Variants in CFAP46 observed in about 807,000 individuals in gnomAD.
CFAP46 encodes the protein cilia- and flagella-associated protein 46.
Under a neutral mutation model 325.7 loss-of-function variants are expected in CFAP46, and 245 were observed. The ratio of observed to expected loss-of-function variants is 0.75; its 90% CI spans 0.68 to 0.84. The LOEUF (loss-of-function observed/expected upper bound fraction) is 0.84. CFAP46 is among the 40% of genes least tolerant of loss of function. The pLI, the probability that CFAP46 is intolerant of heterozygous loss-of-function variation, is 0.00. For missense variants in CFAP46, 3,346 were observed against 3,543.0 expected (o/e 0.94, Z 1.41); for synonymous variants, 1,523 against 1,495.9 (o/e 1.02, Z -0.42).
At position 132,817,302 on chromosome 10, in the gene CFAP46, T is replaced by G. The variant is rs997903520; in HGVS notation, c.7118-2388A>C. Among the ~76,000 whole-genome samples the G allele has an allele frequency of 6.6e-6, 1 of 152,226 alleles. No homozygotes were observed. Among genetic ancestry groups the G allele is most frequent in the Non-Finnish European group, 1.5e-5 (1 of 68,044 alleles). Reference sequence around the variant, plus strand: ...GGCCCTCCGGGTTACTCTTAAATATTTACTCATTTTCCCTTCTCTTGGTTT... The same window carrying G: ...GGCCCTCCGGGTTACTCTTAAATATGTACTCATTTTCCCTTCTCTTGGTTT... On this transcript the variant is annotated intron_variant, in intron 50 of 57. Transcript: ENST00000368586. This position sits in a 1 kb window ranked among gnomAD's most constrained non-coding sequence, Gnocchi z 4.4.
chr10:132,931,063 C>T (rs1345915479), intron 8 of CFAP46, among the ~76,000 whole-genome samples: 9 of 108,894 alleles, frequency 8.3e-5, no homozygotes, highest in Middle Eastern at 8.3e-3. Context: ...GAGCCTGGGC[C>T]TCCCTCCTCT....
chr10:132,880,110 G>T (rs1026876229), intron 28 of CFAP46, among the ~76,000 whole-genome samples: 1 of 146,066 alleles, frequency 6.8e-6, no homozygotes, highest in African/African-American at 2.8e-5. Flanking sequence ...GTGTGTGTGT[G>T]TGCATGTATG....
chr10:132,835,451 A>G lies in CFAP46; in HGVS notation c.6614-17T>C. Reference sequence around the variant, plus strand: ...TGCAGGAGCCTGTGGGGACATGGACACACCCTCTGTCGCTGCCCAGGGCTG... The same window carrying G: ...TGCAGGAGCCTGTGGGGACATGGACGCACCCTCTGTCGCTGCCCAGGGCTG... On this transcript the variant is annotated splice_polypyrimidine_tract_variant and intron_variant, in intron 46 of 57. Coordinates refer to ENST00000368586, the MANE Select transcript of CFAP46 (RefSeq NM_001200049.3). The G allele has an allele frequency of 6.2e-7, 1 of 1,613,252 alleles. No individual in the cohort carries two copies.
Position 132,938,695 on chromosome 10 carries a change from G to A in CFAP46, c.430C>T (p.Leu144Phe). ...AGATGGTGACGATATCCAGGCTTGA[G>A]GAACGGCCTCACCATCTGCCAGTAG... ...VLYWQMVRPF[L>F]KPGYRHHLIP... Residue 144 changes from leucine to phenylalanine, a missense_variant, in exon 5 of 58, where the codon CTC (leucine) becomes TTC (phenylalanine). By Grantham distance (22) the Leu-to-Phe change is conservative. Transcript: ENST00000368586. The A allele has an allele frequency of 1.2e-6, 2 of 1,613,656 alleles. No individual in the cohort carries two copies. Among genetic ancestry groups the A allele is most frequent in the East Asian group, 2.2e-5 (1 of 44,886 alleles).
chr10:132,879,664 G>A (rs1379822454), intron 28 of CFAP46, 33 bp from the exon 29 acceptor site: 22 of 1,470,976 alleles, frequency 1.5e-5, no homozygotes, highest in Non-Finnish European at 2.0e-5. Flanking sequence ...CTGAGAGCAG[G>A]CCCGGCTACG....
chr10:132,853,848 C>T (rs1355276195), intron 39 of CFAP46, among the ~76,000 whole-genome samples: 1 of 152,112 alleles, frequency 6.6e-6, no homozygotes, highest in Non-Finnish European at 1.5e-5. Context: ...CTGTAGAATC[C>T]ATGGAGAAAT....
In CFAP46 at chr10:132,884,113, GC is replaced by G. The variant is rs1426395919; in HGVS notation, c.3627+989del. Among the ~76,000 whole-genome samples, 1 of 152,190 alleles carries G rather than the reference GC, an allele frequency of 6.6e-6. No homozygotes were observed. The highest frequency in any genetic ancestry group is 1.5e-5 in the Non-Finnish European group (1 of 68,016). On this transcript the variant is annotated intron_variant, in intron 27 of 57. Transcript: ENST00000368586. The surrounding 1 kb of genome is among the most constrained non-coding windows in gnomAD (Gnocchi z 5.4). ...CAGCTGGGTCCTGCCTTCCCCAGCC[GC>G]CCGCAGCCTCCCCTCCTCAGGCCCT...
intron 16 of CFAP46, among the ~76,000 whole-genome samples, chr10:132,917,470 C>G (rs969357062): frequency 1.3e-4 from 20 of 152,250 alleles, no homozygotes; most frequent in Admixed American, 9.8e-4. Flanking sequence ...AGTCTCTGAG[C>G]CTGCGTGGGA....
intron 50 of CFAP46, among the ~76,000 whole-genome samples, chr10:132,829,177 T>C (rs1474911984): frequency 1.3e-5 from 2 of 152,100 alleles, no homozygotes; most frequent in Non-Finnish European, 1.5e-5. Context: ...TTGGCAATAT[T>C]GGGCCTTCTC....
intron 33 of CFAP46, among the ~76,000 whole-genome samples, chr10:132,868,777 A>G (rs1848854097): frequency 6.6e-6 from 1 of 152,274 alleles, no homozygotes; most frequent in African/African-American, 2.4e-5. Context: ...TAATAAAAAC[A>G]GAACCGTATA....
rs553344365 is a variant in CFAP46 at position 132,914,891 on chromosome 10, G to A, written c.2121-1633C>T. Among the ~76,000 whole-genome samples, 28 of 152,290 alleles carry A rather than the reference G, an allele frequency of 1.8e-4. No individual in the cohort carries two copies. In the East Asian group the frequency reaches 2.9e-3, roughly 16 times the overall value. On this transcript the variant is annotated intron_variant, in intron 17 of 57. Coordinates refer to ENST00000368586, the MANE Select transcript of CFAP46 (RefSeq NM_001200049.3). ...GCTTCGCTCCACACTGTGAAGCGCCGCCCTCCCTTCTGCCCAAGTGAGCGT... is the reference window on the plus strand; with the variant it reads ...GCTTCGCTCCACACTGTGAAGCGCCACCCTCCCTTCTGCCCAAGTGAGCGT...
chr10:132,903,245 T>A (rs1849413981), intron 22 of CFAP46, among the ~76,000 whole-genome samples: 1 of 150,816 alleles, frequency 6.6e-6, no homozygotes, highest in South Asian at 2.1e-4. Context: ...TGGCATCTTG[T>A]CAGCGTACAG....
intron 6 of CFAP46, 184 bp from the exon 7 acceptor site, chr10:132,937,239 A>G (rs1850022613): frequency 3.8e-6 from 2 of 529,642 alleles, no homozygotes; most frequent in African/African-American, 3.9e-5. Flanking sequence ...ATATTCTTGT[A>G]GTAATTACTT....
At position 132,910,039 on chromosome 10, in the gene CFAP46, A is replaced by G. The variant is rs1311269370; in HGVS notation, c.2529T>C (p.Asn843=). 1 of 1,526,544 alleles carries G rather than the reference A, an allele frequency of 6.6e-7. No homozygotes were observed. The highest frequency in any genetic ancestry group is 2.2e-5 in the Admixed American group (1 of 46,338). 94.6% of individuals were successfully genotyped at this position (1,526,544 alleles called of 1,614,324 possible). A position where few individuals can be genotyped will look rare whatever the true frequency, so the allele number is the denominator to read the frequency against. The change falls in exon 20 of 58, where the codon AAT becomes AAC. Residue 843 remains asparagine (N), a synonymous_variant. Coordinates refer to ENST00000368586, the MANE Select transcript of CFAP46 (RefSeq NM_001200049.3). ...GCACCGTCTCCTCGGGCGCACTCCC[A>G]TTGGTCAGGTTCAGGGCAAACTCGC... is the stretch of plus-strand genomic sequence containing the variant. ...EVCEFALNLT[N]GSAPEETVPT... is the part of the protein sequence containing the mutation.
intron 50 of CFAP46, among the ~76,000 whole-genome samples, chr10:132,830,138 T>C (rs1848125990): frequency 1.3e-5 from 2 of 149,860 alleles, no homozygotes; most frequent in African/African-American, 5.1e-5. Flanking sequence ...TCTTTTCTTT[T>C]TCTTTTCTTT....
At chr10:132,903,943 T>C (rs1303005617) in intron 22 of CFAP46, among the ~76,000 whole-genome samples, 1 of 152,212 alleles carries the variant, frequency 6.6e-6, no homozygotes, top group Non-Finnish European at 1.5e-5. Flanking sequence ...ACTAATAGCA[T>C]AAATGCGAAA....
intron 35 of CFAP46, among the ~76,000 whole-genome samples, chr10:132,864,194 CAT>C (rs770338371): frequency 3.5e-5 from 5 of 141,094 alleles, no homozygotes; most frequent in African/African-American, 1.1e-4. Flanking sequence ...CCTGCACACA[CAT>C]GTCCCCCGCC....
At position 132,938,483 on chromosome 10, in the gene CFAP46, C is replaced by T. The variant is rs1381447007; in HGVS notation, c.536+106G>A. On this transcript the variant is annotated intron_variant, in intron 5 of 57. Transcript: ENST00000368586. The stretch of plus-strand genomic sequence containing the variant: ...GGAGAGAACGCACATGGAGTGTGCC[C>T]CAGTGATGTGGAACTCCCGTCCCCC... 3 of 1,092,852 alleles carry T rather than the reference C, an allele frequency of 2.7e-6. No homozygotes were observed. The African/African-American group carries it at 4.9e-5, about 18-fold the overall frequency. The allele number at this position is 1,092,852 out of a possible 1,614,324, so 67.7% of individuals were successfully genotyped here.
At chr10:132,878,180 C>A in intron 29 of CFAP46, 93 bp from the exon 30 acceptor site, 1 of 1,176,340 alleles carries the variant, frequency 8.5e-7, no homozygotes. Context: ...ACGCTCAGAC[C>A]CGCGGGGCTC....
Sources: gnomAD v4.1 joint callset for allele counts (sites outside exome capture counted in the v4.1 genomes callset) on GRCh38, gnomAD v4.1.1 for gene constraint, Gnocchi (gnomAD v3.1) non-coding constraint, MANE v1.5 for transcripts, NCBI Gene and HGNC (gene_info 2026-07-23, HGNC 2026-07-21) for gene names.